Variants in SRSF6 observed in about 807,000 individuals in gnomAD.
SRSF6 encodes the protein serine and arginine rich splicing factor 6, also known as serine/arginine-rich splicing factor 6.
A neutral mutation model predicts 42.0 loss-of-function variants in SRSF6; 17 were observed. The ratio of observed to expected loss-of-function variants is 0.40; its 90% CI spans 0.28 to 0.61. SRSF6 has a LOEUF of 0.61. Among genes scored for constraint, SRSF6 ranks in the 20% least tolerant of loss-of-function variants. The pLI is 0.37. For synonymous variants in SRSF6, 204 were observed against 166.7 expected, an observed-to-expected ratio of 1.22 and a Z score of -1.72; for missense variants, 379 against 471.4, an observed-to-expected ratio of 0.80 and a Z score of 1.81.
At position 43,460,778 on chromosome 20, in the gene SRSF6, G is replaced by T; in HGVS notation, c.750G>T (p.Lys250Asn). The T allele has an allele frequency of 1.9e-6, 3 of 1,614,166 alleles. No homozygotes were observed. The South Asian group carries it at 3.3e-5, about 18-fold the overall frequency. Residue 250 changes from lysine to asparagine, a missense_variant, in exon 6 of 6, where the codon AAG (lysine) becomes AAT (asparagine). Physicochemically the swap from Lys to Asn is moderately conservative, Grantham distance 94 (BLOSUM62 0). Coordinates refer to ENST00000244020, the MANE Select transcript of SRSF6 (RefSeq NM_006275.6). ...GRKSRSKSKS[K>N]PKSDRGSHSH... is the part of the protein sequence containing the mutation. ...AATCTAGATCAAAGAGCAAATCTAAGCCCAAGTCTGATCGGGGCTCCCATT... is the reference window on the plus strand; with the variant it reads ...AATCTAGATCAAAGAGCAAATCTAATCCCAAGTCTGATCGGGGCTCCCATT...
At position 43,461,337 on chromosome 20, in the gene SRSF6, G is replaced by GTTTTGTTTTTT. The variant is rs2017589627; in HGVS notation, c.*278_*279insGTTTTTTTTTT. On this transcript the variant is annotated 3_prime_UTR_variant, in exon 6 of 6. Transcript: ENST00000244020. ...GTAAAGATTAAGCTCATTTAGTGTT[G>GTTTTGTTTTTT]TTTTTTTTTTTTTTTTTTTTTTTTT... 1.4e-4 allele frequency: 6 copies of GTTTTGTTTTTT among 43,828 alleles called. No homozygotes were observed. The highest frequency in any genetic ancestry group is 4.1e-4 in the African/African-American group (5 of 12,240). The allele number at this position is 43,828 out of a possible 1,614,324, so 2.7% of individuals were successfully genotyped here.
At position 43,460,531 on chromosome 20, in the gene SRSF6, C is replaced by T. The variant is rs754517129; in HGVS notation, c.607C>T (p.Arg203Trp). The T allele has an allele frequency of 1.4e-5, 23 of 1,613,856 alleles. No homozygotes were observed. The highest frequency in any genetic ancestry group is 5.0e-5 in the Admixed American group (3 of 59,992). The change falls in exon 5 of 6, where the codon CGG becomes TGG. Residue 203 changes from arginine (R) to tryptophan (W), a missense_variant. By Grantham distance (101) the Arg-to-Trp change is moderately radical. This residue lies in a region of SRSF6 where 219 missense variants were observed against 216.1 expected (regional missense o/e 1.01). Coordinates refer to ENST00000244020, the MANE Select transcript of SRSF6 (RefSeq NM_006275.6). ...GSRSRSRSRR[R>W]SRSRSRRSSR... ...TCCTAATAGGTCTCGATCTAGAAGA[C>T]GGTCACGAAGTAGGAGTCGCAGGAG...
In SRSF6 at chr20:43,461,345, T is replaced by TG. The variant is rs2017592518; in HGVS notation, c.*282_*283insG. 2 of 41,012 alleles carry TG rather than the reference T, an allele frequency of 4.9e-5. No homozygotes were observed. Among genetic ancestry groups the TG allele is most frequent in the African/African-American group, 1.6e-4 (2 of 12,506 alleles). 2.5% of individuals were successfully genotyped at this position (41,012 alleles called of 1,614,324 possible). On this transcript the variant is annotated 3_prime_UTR_variant, in exon 6 of 6. Transcript: ENST00000244020. ...TAAGCTCATTTAGTGTTGTTTTTTT[T>TG]TTTTTTTTTTTTTTTTTTTTTTTTT...
chr20:43,462,034 T>C lies in SRSF6; in HGVS notation c.*971T>C, dbSNP rs1000495369. The C allele has an allele frequency of 6.6e-6, 1 of 152,250 alleles. No homozygotes were observed. The highest frequency in any genetic ancestry group is 1.5e-5 in the Non-Finnish European group (1 of 68,042). 9.4% of individuals were successfully genotyped at this position (152,250 alleles called of 1,614,324 possible). On this transcript the variant is annotated 3_prime_UTR_variant, in exon 6 of 6. Coordinates refer to ENST00000244020, the MANE Select transcript of SRSF6 (RefSeq NM_006275.6). ...GTGTAAAAGCACATACTGCATTTTC[T>C]GCTGAAAGATCATTATGTTTAACAG...
At position 43,460,767 on chromosome 20, in the gene SRSF6, A is replaced by G; in HGVS notation, c.739A>G (p.Ser247Gly). Residue 247 changes from serine to glycine, a missense_variant, in exon 6 of 6, where the codon AGC (serine) becomes GGC (glycine). Transcript: ENST00000244020. Reference sequence around the variant, plus strand: ...AAAAGGCAGGAAATCTAGATCAAAGAGCAAATCTAAGCCCAAGTCTGATCG... The same window carrying G: ...AAAAGGCAGGAAATCTAGATCAAAGGGCAAATCTAAGCCCAAGTCTGATCG... ...RSKGRKSRSK[S>G]KSKPKSDRGS... 2 of 1,614,158 alleles carry G rather than the reference A, an allele frequency of 1.2e-6. No individual in the cohort carries two copies. The highest frequency in any genetic ancestry group is 1.7e-6 in the Non-Finnish European group (2 of 1,180,008).
chr20:43,458,361 GT>G lies in SRSF6; in HGVS notation c.109del (p.Tyr37ThrfsTer19). 6.4e-7 allele frequency: 1 copy of G among 1,553,020 alleles called. No individual in the cohort carries two copies. ...RLLEVDLKNG[Y>X]GFVEFEDSRD... ...TGTCCGGCCCTCGCACCGCCCCTAG[GT>G]ACGGCTTCGTGGAGTTCGAGGACTC... On this transcript the variant is annotated frameshift_variant and splice_region_variant, in exon 2 of 6. Transcript: ENST00000244020. LOFTEE classifies it high-confidence loss of function.
rs2017591322 is a variant in SRSF6 at position 43,461,338 on chromosome 20, T to TTTTG, written c.*278_*279insGTTT. 5 of 15,364 alleles carry TTTTG rather than the reference T, an allele frequency of 3.3e-4. No individual in the cohort carries two copies. The highest frequency in any genetic ancestry group is 5.6e-4 in the African/African-American group (4 of 7,192). The allele number at this position is 15,364 out of a possible 1,614,324, so 1.0% of individuals were successfully genotyped here. A position where few individuals can be genotyped will look rare whatever the true frequency, so the allele number is the denominator to read the frequency against. On this transcript the variant is annotated 3_prime_UTR_variant, in exon 6 of 6. Transcript: ENST00000244020. ...TAAAGATTAAGCTCATTTAGTGTTG[T>TTTTG]TTTTTTTTTTTTTTTTTTTTTTTTT...
At position 43,461,337 on chromosome 20, in the gene SRSF6, G is replaced by GTTTT. The variant is rs57110045; in HGVS notation, c.*308_*311dup. The GTTTT allele has an allele frequency of 2.3e-4, 10 of 43,824 alleles. No homozygotes were observed. The highest frequency in any genetic ancestry group is 5.7e-4 in the African/African-American group (7 of 12,238). 2.7% of individuals were successfully genotyped at this position (43,824 alleles called of 1,614,324 possible). ...GTAAAGATTAAGCTCATTTAGTGTT[G>GTTTT]TTTTTTTTTTTTTTTTTTTTTTTTT... On this transcript the variant is annotated 3_prime_UTR_variant, in exon 6 of 6. Transcript: ENST00000244020.
At chr20:43,460,635 C>G (rs377298624) in intron 5 of SRSF6, 37 bp downstream of exon 5, 1 of 1,613,522 alleles carries the variant, frequency 6.2e-7, no homozygotes, top group South Asian at 1.1e-5. Flanking sequence ...TGAATATTAC[C>G]GTACTTGTTT....
rs767102915 is a variant in SRSF6, at chr20:43,460,611, G to T, written c.674+13G>T. On this transcript the variant is annotated intron_variant, in intron 5 of 5. Transcript: ENST00000244020. Reference sequence around the variant, plus strand: ...AAAGTCGCTCCCGGTAAATAACGTTGTGTTGAGTCACTGTGAATATTACCG... The same window carrying T: ...AAAGTCGCTCCCGGTAAATAACGTTTTGTTGAGTCACTGTGAATATTACCG... The T allele has an allele frequency of 1.2e-5, 19 of 1,614,020 alleles. No homozygotes were observed. In the Admixed American group the frequency reaches 2.0e-4, roughly 17 times the overall value.
rs1312694061 is a variant in SRSF6, at chr20:43,461,348, T to G, written c.*285T>G. 9.8e-4 allele frequency: 105 copies of G among 106,688 alleles called. 1 individual carries two copies. Among genetic ancestry groups the G allele is most frequent in the African/African-American group, 3.6e-3 (82 of 22,548 alleles). 6.6% of individuals were successfully genotyped at this position (106,688 alleles called of 1,614,324 possible). On this transcript the variant is annotated 3_prime_UTR_variant, in exon 6 of 6. Coordinates refer to ENST00000244020, the MANE Select transcript of SRSF6 (RefSeq NM_006275.6). The stretch of plus-strand genomic sequence containing the variant: ...GCTCATTTAGTGTTGTTTTTTTTTT[T>G]TTTTTTTTTTTTTTTTTTTTTTTTT...
rs962106984 is a variant in SRSF6, at chr20:43,462,298, C to T, written c.*1235C>T. 1 of 152,158 alleles carries T rather than the reference C, an allele frequency of 6.6e-6. No individual in the cohort carries two copies. The highest frequency in any genetic ancestry group is 6.5e-5 in the Admixed American group (1 of 15,270). 9.4% of individuals were successfully genotyped at this position (152,158 alleles called of 1,614,324 possible). A position where few individuals can be genotyped will look rare whatever the true frequency, so the allele number is the denominator to read the frequency against. ...GAATACTGCAAATTTGTAGGAGTTACTAGGTTAGCAATTAGTCCATACATC... is the reference window on the plus strand; with the variant it reads ...GAATACTGCAAATTTGTAGGAGTTATTAGGTTAGCAATTAGTCCATACATC... On this transcript the variant is annotated 3_prime_UTR_variant, in exon 6 of 6. Coordinates refer to ENST00000244020, the MANE Select transcript of SRSF6 (RefSeq NM_006275.6).
rs2017583975 is a variant in SRSF6, at chr20:43,461,186, T to C, written c.*123T>C. On this transcript the variant is annotated 3_prime_UTR_variant, in exon 6 of 6. Transcript: ENST00000244020. ...CTTGAAAACAGGGGCACACAGAAAT[T>C]TGATTTGTGGCCAAATTGGATGAAA... 1.5e-6 allele frequency: 2 copies of C among 1,377,224 alleles called. No homozygotes were observed. Among genetic ancestry groups the C allele is most frequent in the Admixed American group, 3.0e-5 (1 of 33,446 alleles). 85.3% of individuals were successfully genotyped at this position (1,377,224 alleles called of 1,614,324 possible). A position where few individuals can be genotyped will look rare whatever the true frequency, so the allele number is the denominator to read the frequency against.
chr20:43,460,410 G>GTT, intron 4 of SRSF6, 105 bp from the exon 5 acceptor site: 4 of 1,373,168 alleles, frequency 2.9e-6, no homozygotes, highest in Non-Finnish European at 3.1e-6. Flanking sequence ...ATTTAATTTC[G>GTT]TAGTAAAGAA....
At chr20:43,460,651 G>A (rs1169657340) in intron 5 of SRSF6, 52 bp from the exon 6 acceptor site, 22 of 1,612,978 alleles carry the variant, frequency 1.4e-5, no homozygotes, top group Non-Finnish European at 1.6e-5. Context: ...TGTTTATGGA[G>A]TATGTGTACA....
chr20:43,458,831 C>T (rs1014183881), intron 2 of SRSF6, among the ~76,000 whole-genome samples: 1 of 133,052 alleles, frequency 7.5e-6, no homozygotes, highest in Admixed American at 9.1e-5. Context: ...ACTTACCTAT[C>T]AGTGCATTAG....
In SRSF6 at chr20:43,461,334, G is replaced by GTTGTT. The variant is rs1229354985; in HGVS notation, c.*274_*278dup. On this transcript the variant is annotated 3_prime_UTR_variant, in exon 6 of 6. Coordinates refer to ENST00000244020, the MANE Select transcript of SRSF6 (RefSeq NM_006275.6). The stretch of plus-strand genomic sequence containing the variant: ...TTTGTAAAGATTAAGCTCATTTAGT[G>GTTGTT]TTGTTTTTTTTTTTTTTTTTTTTTT... 1.8e-5 allele frequency: 1 copy of GTTGTT among 56,458 alleles called. No homozygotes were observed. The highest frequency in any genetic ancestry group is 7.4e-5 in the African/African-American group (1 of 13,540). 3.5% of individuals were successfully genotyped at this position (56,458 alleles called of 1,614,324 possible).
Position 43,459,796 on chromosome 20 carries a change from G to C in SRSF6, c.282G>C (p.Arg94=). 6.2e-7 allele frequency: 1 copy of C among 1,613,482 alleles called. No individual in the cohort carries two copies. The highest frequency in any genetic ancestry group is 8.5e-7 in the Non-Finnish European group (1 of 1,180,034). ...GTGGTGGAGGTGGATACAGCAGTCG[G>C]AGAACATCTGGCAGAGACAAATACG... is the stretch of plus-strand genomic sequence containing the variant. The part of the protein sequence containing the change: ...SRSGGGGYSS[R]RTSGRDKYGP... Residue 94 remains arginine, a synonymous_variant, in exon 3 of 6, where the codon CGG becomes CGC. Transcript: ENST00000244020.
chr20:43,461,099 CT>C lies in SRSF6; in HGVS notation c.*39del, dbSNP rs751891872. On this transcript the variant is annotated 3_prime_UTR_variant, in exon 6 of 6. Coordinates refer to ENST00000244020, the MANE Select transcript of SRSF6 (RefSeq NM_006275.6). ...CTTGTTTGCACATTATTATGGAACACTTTCCTACTTAGGCAGTTACTCTTCC... is the reference window on the plus strand; with the variant it reads ...CTTGTTTGCACATTATTATGGAACACTTCCTACTTAGGCAGTTACTCTTCC... 3 of 1,517,336 alleles carry C rather than the reference CT, an allele frequency of 2.0e-6. No homozygotes were observed. Among genetic ancestry groups the C allele is most frequent in the Non-Finnish European group, 2.6e-6 (3 of 1,134,702 alleles). 94.0% of individuals were successfully genotyped at this position (1,517,336 alleles called of 1,614,324 possible).
Sources: allele counts gnomAD v4.1 joint callset (sites outside exome capture counted in the v4.1 genomes callset), GRCh38; gene constraint gnomAD v4.1.1; regional missense constraint gnomAD v4.1.1; transcripts MANE v1.5; gene names NCBI Gene and HGNC (gene_info 2026-07-23, HGNC 2026-07-21).